ATP2B2: variants seen among roughly 807,000 people sequenced by gnomAD.
ATP2B2 encodes the protein plasma membrane calcium-transporting ATPase 2.
ATP2B2 carries 15 observed loss-of-function variants against 120.0 expected under a neutral mutation model. That is an observed-to-expected ratio of 0.12 (90% CI 0.08 to 0.19). The LOEUF (loss-of-function observed/expected upper bound fraction) is 0.19, where lower values mean the gene tolerates loss of function less well. ATP2B2 is among the 10% of genes least tolerant of loss of function. The probability of loss-of-function intolerance (pLI) is 1.00; values close to 1 mark genes in which losing one functional copy is unlikely to be tolerated. For synonymous variants in ATP2B2, 694 were observed against 700.3 expected (o/e 0.99, Z 0.14); for missense variants, 1,045 against 1,719.8 (o/e 0.61, Z 6.94).
At chr3:10,495,754 C>T (rs2066121424) in intron 1 of ATP2B2, among the ~76,000 whole-genome samples, 1 of 152,248 alleles carries the variant, frequency 6.6e-6, no homozygotes, top group Admixed American at 6.5e-5. Context: ...GCCCAGGCCA[C>T]ATACTCTTCA....
intron 1 of ATP2B2, among the ~76,000 whole-genome samples, chr3:10,452,683 A>G (rs1006230175): frequency 5.9e-5 from 9 of 152,096 alleles, no homozygotes; most frequent in African/African-American, 1.9e-4. Context: ...TGGGTCTCAG[A>G]TGCTGGGGGA....
chr3:10,386,619 A>G lies in ATP2B2; in HGVS notation c.908-107T>C, dbSNP rs148697479. On this transcript the variant is annotated intron_variant, in intron 6 of 22. Coordinates refer to ENST00000360273, the MANE Select transcript of ATP2B2 (RefSeq NM_001001331.4). ...CACACATGTGCATACACACATGGCC[A>G]TACACCTAGGGTCATCCTGAAATGG... The G allele has an allele frequency of 1.3e-3, 1,534 of 1,224,578 alleles. 22 individuals are homozygous for G. The African/African-American group carries it at 0.02, about 16-fold the overall frequency. The allele number at this position is 1,224,578 out of a possible 1,614,324, so 75.9% of individuals were successfully genotyped here. A position where few individuals can be genotyped will look rare whatever the true frequency, so the allele number is the denominator to read the frequency against.
chr3:10,344,807 C>T (rs1045509564), intron 18 of ATP2B2, among the ~76,000 whole-genome samples: 1 of 152,208 alleles, frequency 6.6e-6, no homozygotes, highest in Non-Finnish European at 1.5e-5. Context: ...TGGGGCCTGC[C>T]TGCCAGGCTC....
rs899242222 is a variant in ATP2B2 at position 10,551,500 on chromosome 3, G to A, written c.-414-17367C>T. Among the ~76,000 whole-genome samples, 4 of 152,282 alleles carry A rather than the reference G, an allele frequency of 2.6e-5. No individual in the cohort carries two copies. In the East Asian group the frequency reaches 7.7e-4, roughly 29 times the overall value. On this transcript the variant is annotated intron_variant, in intron 2 of 21. Coordinates refer to the ATP2B2 transcript ENST00000646379. ...TTCCTCTGTAACACCCCACTAACAC[G>A]CATGCATATTCCACAGCCCTGCTTT...
chr3:10,377,062 C>T (rs1397184947), intron 10 of ATP2B2, among the ~76,000 whole-genome samples: 2 of 152,148 alleles, frequency 1.3e-5, no homozygotes, highest in African/African-American at 4.8e-5. Context: ...GGCTGTGAAC[C>T]CAGGAGTGCT....
chr3:10,331,985 C>G (rs901359809), intron 22 of ATP2B2: 13 of 1,550,222 alleles, frequency 8.4e-6, no homozygotes, highest in Admixed American at 3.9e-5. Flanking sequence ...CTCACAACCT[C>G]TTTTAATTTC....
intron 2 of ATP2B2, among the ~76,000 whole-genome samples, chr3:10,612,318 T>C (rs899561605): frequency 5.3e-5 from 8 of 152,218 alleles, no homozygotes; most frequent in African/African-American, 1.9e-4. Flanking sequence ...GCAACTCAGC[T>C]CAAGATTACT....
intron 1 of ATP2B2, among the ~76,000 whole-genome samples, chr3:10,654,124 C>T (rs1200476746): frequency 6.6e-6 from 1 of 152,148 alleles, no homozygotes; most frequent in Non-Finnish European, 1.5e-5. Context: ...TGTTGTTCTC[C>T]CTTTTTTAAA....
At chr3:10,426,618 C>G (rs1274644720) in intron 2 of ATP2B2, among the ~76,000 whole-genome samples, 1 of 152,240 alleles carries the variant, frequency 6.6e-6, no homozygotes, top group East Asian at 1.9e-4. Context: ...GAAATGCAAT[C>G]TCCAGCCTGG....
intron 19 of ATP2B2, among the ~76,000 whole-genome samples, chr3:10,341,412 G>A (rs1022202767): frequency 2.0e-5 from 3 of 152,208 alleles, no homozygotes; most frequent in Non-Finnish European, 4.4e-5. Flanking sequence ...CTGGGTTCAA[G>A]TGATTCTCCT....
At chr3:10,631,990 G>A (rs933926168) in intron 1 of ATP2B2, among the ~76,000 whole-genome samples, 2 of 152,102 alleles carry the variant, frequency 1.3e-5, no homozygotes, top group Non-Finnish European at 2.9e-5. Flanking sequence ...AGCAGGTCCC[G>A]AGGTCCTCAG....
At chr3:10,579,864 G>A (rs1323157852) in intron 2 of ATP2B2, among the ~76,000 whole-genome samples, 4 of 124,170 alleles carry the variant, frequency 3.2e-5, no homozygotes, top group African/African-American at 5.7e-5. Context: ...AGACCCAGAA[G>A]GTGGGCCTCA....
rs2061745238 is a variant in ATP2B2, at chr3:10,388,351, A to G, written c.833T>C (p.Val278Ala). The part of the protein sequence containing the change: ...SGRMLVTAVG[V>A]NSQTGIIFTL... ...AAAGATGATGCCAGTCTGAGAGTTC[A>G]CACCCACAGCAGTCACCAACATCCG... Residue 278 changes from valine to alanine, a missense_variant, in exon 6 of 23, where the codon GTG becomes GCG. This residue lies in a region of ATP2B2 where 145 missense variants were observed against 202.0 expected (regional missense o/e 0.72). Transcript: ENST00000360273. The G allele has an allele frequency of 6.2e-7, 1 of 1,614,136 alleles. No homozygotes were observed. The highest frequency in any genetic ancestry group is 8.5e-7 in the Non-Finnish European group (1 of 1,180,032).
At chr3:10,514,817 A>G (rs1054302837) in intron 3 of ATP2B2, among the ~76,000 whole-genome samples, 16 of 152,194 alleles carry the variant, frequency 1.1e-4, no homozygotes, top group Admixed American at 4.6e-4. Context: ...CAGGCCCTCT[A>G]TGGATGAGAC....
intron 2 of ATP2B2, among the ~76,000 whole-genome samples, chr3:10,584,472 G>C (rs1209683010): frequency 2.0e-5 from 3 of 152,128 alleles, no homozygotes; most frequent in African/African-American, 7.2e-5. Context: ...ATCTCTGTAG[G>C]TGCATCCTCA....
chr3:10,409,369 TA>T (rs1258221520), intron 3 of ATP2B2, among the ~76,000 whole-genome samples: 8 of 152,210 alleles, frequency 5.3e-5, no homozygotes, highest in African/African-American at 1.9e-4. Flanking sequence ...TTTTTCATTT[TA>T]AAATTTTTGT....
At chr3:10,451,312 A>G (rs2064039062) in intron 1 of ATP2B2, among the ~76,000 whole-genome samples, 2 of 152,126 alleles carry the variant, frequency 1.3e-5, no homozygotes, top group Non-Finnish European at 2.9e-5. Context: ...CTAAGAACAC[A>G]GTATCTGGCA....
chr3:10,428,528 G>A (rs992571757), intron 2 of ATP2B2, among the ~76,000 whole-genome samples: 2 of 152,130 alleles, frequency 1.3e-5, no homozygotes, highest in Non-Finnish European at 2.9e-5. Context: ...ACTTCTGTCC[G>A]GGAAGAATCA....
At position 10,343,308 on chromosome 3, in the gene ATP2B2, C is replaced by T. The variant is rs1377557333; in HGVS notation, c.2704-343G>A. ...GGTCTCTCCTGGCTGAGGCCAAGACCATTCCCACCGCCTCCGGCATGGGCT... is the reference window on the plus strand; with the variant it reads ...GGTCTCTCCTGGCTGAGGCCAAGACTATTCCCACCGCCTCCGGCATGGGCT... On this transcript the variant is annotated intron_variant, in intron 18 of 22. Transcript: ENST00000360273. This position sits in a 1 kb window ranked among gnomAD's most constrained non-coding sequence, Gnocchi z 4.2. 1.3e-5 allele frequency among the ~76,000 whole-genome samples: 2 copies of T among 152,042 alleles called. No homozygotes were observed. Among genetic ancestry groups the T allele is most frequent in the Non-Finnish European group, 2.9e-5 (2 of 67,982 alleles).
Sources: gnomAD v4.1 joint callset for allele counts (sites outside exome capture counted in the v4.1 genomes callset) on GRCh38, gnomAD v4.1.1 for gene constraint, gnomAD v4.1.1 regional missense constraint, Gnocchi (gnomAD v3.1) non-coding constraint, MANE v1.5 for transcripts, NCBI Gene and HGNC (gene_info 2026-07-23, HGNC 2026-07-21) for gene names.